Variants in SGCZ observed in about 807,000 individuals in gnomAD.
The protein encoded by SGCZ is sarcoglycan zeta, also known as zeta-sarcoglycan.
In SGCZ, 40 loss-of-function variants were observed where a neutral mutation model predicts 41.3. The ratio of observed to expected loss-of-function variants is 0.97; its 90% CI spans 0.75 to 1.26. The LOEUF (loss-of-function observed/expected upper bound fraction) is 1.26. Among genes scored for constraint, SGCZ ranks in the 50% most tolerant of loss-of-function variants. The pLI, the probability that SGCZ is intolerant of heterozygous loss-of-function variation, is 0.00. For synonymous variants in SGCZ, 206 were observed against 137.5 expected, an observed-to-expected ratio of 1.50 and a Z score of -3.49; for missense variants, 552 against 369.8, an observed-to-expected ratio of 1.49 and a Z score of -4.04.
intron 1 of SGCZ, among the ~76,000 whole-genome samples, chr8:14,585,774 A>G (rs935358724): frequency 6.6e-6 from 1 of 152,160 alleles, no homozygotes; most frequent in African/African-American, 2.4e-5. Context: ...CAAAAGAGGT[A>G]AGATGATTCA....
chr8:14,154,498 T>C (rs751092011), intron 5 of SGCZ, among the ~76,000 whole-genome samples: 1 of 152,222 alleles, frequency 6.6e-6, no homozygotes, highest in Non-Finnish European at 1.5e-5. Flanking sequence ...AATTCTTTTG[T>C]ATTCTGAAAC....
intron 1 of SGCZ, among the ~76,000 whole-genome samples, chr8:14,884,855 C>T (rs1395356510): frequency 2.6e-5 from 4 of 151,982 alleles, no homozygotes. Context: ...ATCCTCCAGT[C>T]CTTCTGGTTT....
At chr8:14,528,273 A>C (rs1803014614) in intron 2 of SGCZ, among the ~76,000 whole-genome samples, 1 of 152,158 alleles carries the variant, frequency 6.6e-6, no homozygotes, top group Non-Finnish European at 1.5e-5. Flanking sequence ...TGACAATGAC[A>C]AAGTTACACA....
chr8:15,214,830 G>T (rs900922524), intron 1 of SGCZ, among the ~76,000 whole-genome samples: 1 of 152,168 alleles, frequency 6.6e-6, no homozygotes, highest in Middle Eastern at 3.2e-3. Context: ...CTGGTCATTA[G>T]AGATGTTACC....
At chr8:14,437,452 G>A (rs1169419828) in intron 2 of SGCZ, among the ~76,000 whole-genome samples, 3 of 151,966 alleles carry the variant, frequency 2.0e-5, no homozygotes, top group African/African-American at 7.2e-5. Context: ...CATCTATTAA[G>A]CATACATTAA....
intron 1 of SGCZ, among the ~76,000 whole-genome samples, chr8:14,869,878 T>C (rs1322591997): frequency 6.6e-6 from 1 of 152,128 alleles, no homozygotes; most frequent in Non-Finnish European, 1.5e-5. Flanking sequence ...ACAAGGAATG[T>C]GAAGGACCTC....
At chr8:14,618,137 T>C (rs904228440) in intron 1 of SGCZ, among the ~76,000 whole-genome samples, 4 of 152,124 alleles carry the variant, frequency 2.6e-5, no homozygotes, top group African/African-American at 7.2e-5. Context: ...TCTAGATACT[T>C]AGAAAAACTT....
At chr8:15,208,060 T>G (rs948814951) in intron 1 of SGCZ, among the ~76,000 whole-genome samples, 2 of 152,228 alleles carry the variant, frequency 1.3e-5, no homozygotes, top group African/African-American at 4.8e-5. Flanking sequence ...ATGTGTCTAC[T>G]AAATATTATT....
At chr8:14,514,820 TAC>T (rs1554530292) in intron 2 of SGCZ, among the ~76,000 whole-genome samples, 10 of 111,642 alleles carry the variant, frequency 9.0e-5, no homozygotes, top group African/African-American at 1.1e-4. Context: ...TGTGTATATA[TAC>T]ACGCACACAC....
intron 6 of SGCZ, among the ~76,000 whole-genome samples, chr8:14,105,195 CCA>C (rs1401707674): frequency 4.6e-5 from 7 of 151,942 alleles, no homozygotes; most frequent in South Asian, 4.2e-4. Flanking sequence ...CAAAGAAAAT[CCA>C]CAGTTTTAAA....
At chr8:14,235,722 T>C (rs1344753648) in intron 4 of SGCZ, among the ~76,000 whole-genome samples, 2 of 152,154 alleles carry the variant, frequency 1.3e-5, no homozygotes, top group African/African-American at 4.8e-5. Flanking sequence ...TCTCACTCTA[T>C]TCCCCAGGCT....
intron 1 of SGCZ, among the ~76,000 whole-genome samples, chr8:14,649,635 T>TTTCAG (rs1807332839): frequency 6.7e-6 from 1 of 149,342 alleles, no homozygotes; most frequent in Non-Finnish European, 1.5e-5. Context: ...GCTCAGCTCG[T>TTTCAG]TAAGTTTTCA....
intron 1 of SGCZ, among the ~76,000 whole-genome samples, chr8:14,712,122 G>C (rs976295717): frequency 6.6e-6 from 1 of 152,084 alleles, no homozygotes; most frequent in Non-Finnish European, 1.5e-5. Flanking sequence ...AAAAACTAAA[G>C]CTTAGCCAAT....
At chr8:14,925,175 G>A (rs1002537335) in intron 1 of SGCZ, among the ~76,000 whole-genome samples, 7 of 152,028 alleles carry the variant, frequency 4.6e-5, no homozygotes. Context: ...TTTCTTTACT[G>A]CAGCAGTTAA....
intron 1 of SGCZ, among the ~76,000 whole-genome samples, chr8:15,137,034 G>T (rs1052983625): frequency 3.9e-5 from 6 of 152,180 alleles, no homozygotes; most frequent in Non-Finnish European, 8.8e-5. Context: ...GGGAAAGTTT[G>T]TAACTTCCTA....
At chr8:14,461,961 T>C (rs1800913353) in intron 2 of SGCZ, among the ~76,000 whole-genome samples, 1 of 152,044 alleles carries the variant, frequency 6.6e-6, no homozygotes, top group Admixed American at 6.6e-5. Flanking sequence ...GAAAACGTTT[T>C]AATACTTAGT....
chr8:14,926,882 A>C (rs1040479984), intron 1 of SGCZ, among the ~76,000 whole-genome samples: 5 of 151,946 alleles, frequency 3.3e-5, no homozygotes, highest in African/African-American at 1.2e-4. Flanking sequence ...CTCGTGATCC[A>C]CCAGCCTTAG....
intron 2 of SGCZ, among the ~76,000 whole-genome samples, chr8:14,531,010 G>A (rs1034597769): frequency 6.6e-5 from 10 of 151,964 alleles, no homozygotes; most frequent in African/African-American, 2.4e-4. Flanking sequence ...TGACCTTCAA[G>A]TCAAGGACAG....
intron 1 of SGCZ, among the ~76,000 whole-genome samples, chr8:14,847,122 GAAGA>G (rs779993983): frequency 9.7e-6 from 1 of 102,940 alleles, no homozygotes; most frequent in African/African-American, 3.4e-5. Flanking sequence ...AGAAGAAGAA[GAAGA>G]AAGAAGAAGA....
Sources: allele counts gnomAD v4.1 joint callset (sites outside exome capture counted in the v4.1 genomes callset), GRCh38; gene constraint gnomAD v4.1.1; transcripts MANE v1.5; gene names NCBI Gene and HGNC (gene_info 2026-07-23, HGNC 2026-07-21).